Variants in PRDM1 observed in about 807,000 individuals in gnomAD.
The protein encoded by PRDM1 is PR/SET domain 1.
A neutral mutation model predicts 62.8 loss-of-function variants in PRDM1; 13 were observed. The observed-to-expected ratio is 0.21, with a 90% CI of 0.13 to 0.33. The LOEUF is 0.33. Among genes scored for constraint, PRDM1 ranks in the 10% least tolerant of loss-of-function variants. The pLI, the probability that PRDM1 is intolerant of heterozygous loss-of-function variation, is 1.00. For missense variants in PRDM1, 895 were observed against 1,058.8 expected, an observed-to-expected ratio of 0.85 and a Z score of 2.15; for synonymous variants, 396 against 417.6, an observed-to-expected ratio of 0.95 and a Z score of 0.63.
At position 106,099,394 on chromosome 6, in the gene PRDM1, G is replaced by C. The variant is rs774218047; in HGVS notation, c.506G>C (p.Arg169Pro). 1 of 1,614,134 alleles carries C rather than the reference G, an allele frequency of 6.2e-7. No homozygotes were observed. Among genetic ancestry groups the C allele is most frequent in the African/African-American group, 1.3e-5 (1 of 75,012 alleles). ...MRYVNPAHSPREQNLAACQNG... is the reference protein window; with the variant it reads ...MRYVNPAHSPPEQNLAACQNG... ...TATGTGAATCCAGCACACTCTCCCCGGGAGCAAAACCTGGCTGCGTGTCAG... is the reference window on the plus strand; with the variant it reads ...TATGTGAATCCAGCACACTCTCCCCCGGAGCAAAACCTGGCTGCGTGTCAG... Residue 169 changes from arginine (R) to proline (P), a missense_variant, in exon 4 of 7, where the codon CGG (arginine) becomes CCG (proline). Arg to Pro is a moderately radical substitution (Grantham distance 103, BLOSUM62 -2). Transcript: ENST00000369096.
Position 106,108,940 on chromosome 6 carries a change from T to A in PRDM1, c.*1454T>A. ...TGTGTTATTCTATCTTTTATTCTGC[T>A]AAGCCCAAAGATTACATGTTGGTGT... is the stretch of plus-strand genomic sequence containing the variant. On this transcript the variant is annotated 3_prime_UTR_variant, in exon 7 of 7. Transcript: ENST00000369096. 4.4e-6 allele frequency: 1 copy of A among 227,548 alleles called. No individual in the cohort carries two copies. The highest frequency in any genetic ancestry group is 8.8e-6 in the Non-Finnish European group (1 of 114,208). The allele number at this position is 227,548 out of a possible 1,614,324, so 14.1% of individuals were successfully genotyped here. A position where few individuals can be genotyped will look rare whatever the true frequency, so the allele number is the denominator to read the frequency against.
chr6:106,080,873 G>T (rs1395420184), intron 1 of PRDM1, among the ~76,000 whole-genome samples: 1 of 152,176 alleles, frequency 6.6e-6, no homozygotes, highest in Non-Finnish European at 1.5e-5. Context: ...TCCTCCAGAG[G>T]TGCACCTTAA....
intron 1 of PRDM1, among the ~76,000 whole-genome samples, chr6:106,033,318 T>G (rs1207371917): frequency 7.4e-6 from 1 of 135,728 alleles, no homozygotes; most frequent in Admixed American, 7.3e-5. Flanking sequence ...CTAATATTAG[T>G]TTTTTTTTTT....
At position 106,089,550 on chromosome 6, in the gene PRDM1, G is replaced by A. The variant is rs550172844; in HGVS notation, c.291+1101G>A. 3.9e-5 allele frequency among the ~76,000 whole-genome samples: 6 copies of A among 152,298 alleles called. No individual in the cohort carries two copies. The East Asian group carries it at 9.6e-4, about 24-fold the overall frequency. On this transcript the variant is annotated intron_variant, in intron 2 of 6. Coordinates refer to ENST00000369096, the MANE Select transcript of PRDM1 (RefSeq NM_001198.4). ...GTGTTTTTGGTGAGGGGGAGACACA[G>A]CTGTCTAAAATTAAATAGAACAACG...
intron 1 of PRDM1, chr6:106,087,914 C>A: frequency 3.3e-6 from 1 of 298,582 alleles, no homozygotes; most frequent in Non-Finnish European, 6.2e-6. Context: ...AGAGGTAAAG[C>A]CAGGGATTGT....
chr6:106,066,439 T>A (rs1216665763), intron 1 of PRDM1, among the ~76,000 whole-genome samples: 2 of 152,302 alleles, frequency 1.3e-5, no homozygotes, highest in East Asian at 3.9e-4. Context: ...TTTAATCAAG[T>A]AGGCAGTTTT....
intron 1 of PRDM1, among the ~76,000 whole-genome samples, chr6:106,080,621 C>G (rs1156489334): frequency 6.6e-6 from 1 of 152,208 alleles, no homozygotes; most frequent in Non-Finnish European, 1.5e-5. Context: ...ATTAGAACAG[C>G]AACAAGTAGC....
chr6:106,092,681 T>C (rs1313780467), intron 2 of PRDM1, among the ~76,000 whole-genome samples: 1 of 152,192 alleles, frequency 6.6e-6, no homozygotes, highest in African/African-American at 2.4e-5. Flanking sequence ...GGAGACTTAG[T>C]ACTTGGTTTT....
intron 4 of PRDM1, among the ~76,000 whole-genome samples, chr6:106,101,301 T>C (rs761773214): frequency 7.9e-5 from 12 of 152,188 alleles, no homozygotes; most frequent in Non-Finnish European, 1.5e-4. Context: ...CAAGAAACTT[T>C]TTTGCATGCT....
intron 1 of PRDM1, among the ~76,000 whole-genome samples, chr6:106,064,904 C>T (rs549804272): frequency 1.2e-4 from 18 of 152,108 alleles, no homozygotes; most frequent in African/African-American, 2.2e-4. Flanking sequence ...ACTGAATCAC[C>T]GTTTCCTCTT....
intron 4 of PRDM1, among the ~76,000 whole-genome samples, chr6:106,104,391 A>G (rs1774374336): frequency 6.6e-6 from 1 of 151,992 alleles, no homozygotes; most frequent in Admixed American, 6.6e-5. Flanking sequence ...TTGTATTTTT[A>G]GTAGAGATGG....
At chr6:106,016,045 C>CAT (rs1473454233) in intron 1 of PRDM1, among the ~76,000 whole-genome samples, 5 of 152,114 alleles carry the variant, frequency 3.3e-5, no homozygotes, top group East Asian at 3.9e-4. Flanking sequence ...GAATTTGGCT[C>CAT]ATATATATAT....
chr6:106,029,538 A>G (rs949947704), intron 1 of PRDM1, among the ~76,000 whole-genome samples: 13 of 152,162 alleles, frequency 8.5e-5, no homozygotes, highest in African/African-American at 1.4e-4. Flanking sequence ...GTGGATCAAG[A>G]GTTCATTCCT....
upstream of PRDM1, among the ~76,000 whole-genome samples, chr6:106,048,358 G>A (rs1773112357): frequency 6.6e-6 from 1 of 152,128 alleles, no homozygotes; most frequent in African/African-American, 2.4e-5. Context: ...CTGCACTCCA[G>A]CCTGGGCAAC....
intron 1 of PRDM1, among the ~76,000 whole-genome samples, chr6:106,003,224 A>C (rs1356826638): frequency 6.6e-6 from 1 of 152,210 alleles, no homozygotes; most frequent in Non-Finnish European, 1.5e-5. Context: ...TGAGACTGAA[A>C]GGGGGCATTA....
upstream of PRDM1, among the ~76,000 whole-genome samples, chr6:106,082,791 T>C (rs1488538046): frequency 2.0e-5 from 3 of 152,168 alleles, no homozygotes; most frequent in Non-Finnish European, 4.4e-5. Flanking sequence ...GCCCTGAATA[T>C]GTTTGTCAAA....
chr6:106,083,832 T>A (rs1484952288), upstream of PRDM1, among the ~76,000 whole-genome samples: 2 of 152,130 alleles, frequency 1.3e-5, no homozygotes, highest in African/African-American at 4.8e-5. Context: ...GACATAAGAT[T>A]CCAGACAGTG....
upstream of PRDM1, chr6:106,046,215 G>C (rs1773072130): frequency 6.6e-6 from 1 of 152,146 alleles, no homozygotes; most frequent in African/African-American, 2.4e-5. Flanking sequence ...AGATCAAACT[G>C]ATTAGCCTGA....
intron 1 of PRDM1, among the ~76,000 whole-genome samples, chr6:106,036,928 C>T (rs1772932450): frequency 2.0e-5 from 3 of 152,172 alleles, no homozygotes; most frequent in Admixed American, 6.5e-5. Context: ...ATTTTCCTGC[C>T]TCAGCACTCC....
Sources: gnomAD v4.1 joint callset for allele counts (sites outside exome capture counted in the v4.1 genomes callset) on GRCh38, gnomAD v4.1.1 for gene constraint, MANE v1.5 for transcripts, NCBI Gene and HGNC (gene_info 2026-07-23, HGNC 2026-07-21) for gene names.